Variants in PDXDC1 observed in about 807,000 individuals in gnomAD.
PDXDC1 encodes pyridoxal-dependent decarboxylase domain-containing protein 1.
PDXDC1 carries 42 observed loss-of-function variants against 100.1 expected under a neutral mutation model. The ratio of observed to expected loss-of-function variants is 0.42; its 90% CI spans 0.33 to 0.54. The LOEUF is 0.54. PDXDC1 is among the 20% of genes least tolerant of loss of function. PDXDC1 has a pLI of 0.10. For missense variants in PDXDC1, 636 were observed against 979.2 expected, an observed-to-expected ratio of 0.65 and a Z score of 4.68; for synonymous variants, 260 against 371.7, an observed-to-expected ratio of 0.70 and a Z score of 3.46.
intron 16 of PDXDC1, among the ~76,000 whole-genome samples, chr16:15,098,644 C>G (rs1411980927): frequency 2.0e-5 from 3 of 151,596 alleles, no homozygotes; most frequent in Non-Finnish European, 4.4e-5. Context: ...TTTTGGAGGC[C>G]AAGGTGGGTG....
rs1321552130 is a variant in PDXDC1, at chr16:14,984,498, T to A, written c.21+9278T>A. ...ATACATATATATATATATATATATT[T>A]TTTTTTTTTTTTTTTCTGAGACGGA... On this transcript the variant is annotated intron_variant, in intron 1 of 22. Transcript: ENST00000396410. Among the ~76,000 whole-genome samples, 1,016 of 132,244 alleles carry A rather than the reference T, an allele frequency of 7.7e-3. 4 individuals carry two copies. Among genetic ancestry groups the A allele is most frequent in the East Asian group, 0.043 (141 of 3,262 alleles). The allele number at this position is 132,244 out of a possible 152,430, so 86.8% of individuals were successfully genotyped here. A position where few individuals can be genotyped will look rare whatever the true frequency, so the allele number is the denominator to read the frequency against.
chr16:15,056,810 C>T (rs1372994899), intron 16 of PDXDC1, among the ~76,000 whole-genome samples: 3 of 152,084 alleles, frequency 2.0e-5, no homozygotes, highest in Non-Finnish European at 4.4e-5. Context: ...CGGTCTTAAA[C>T]TGAGAAAATA....
intron 16 of PDXDC1, chr16:15,047,234 C>A: frequency 1.8e-6 from 1 of 557,364 alleles, no homozygotes; most frequent in Non-Finnish European, 3.2e-6. Context: ...TCAAATCCAG[C>A]ACAGACTCCT....
intron 16 of PDXDC1, among the ~76,000 whole-genome samples, chr16:15,128,581 G>A (rs919872207): frequency 9.1e-4 from 138 of 152,130 alleles, no homozygotes; most frequent in African/African-American, 3.1e-3. Context: ...GGACCTCAAG[G>A]ACATGATTAA....
At chr16:14,992,879 G>A (rs61517615) in intron 1 of PDXDC1, among the ~76,000 whole-genome samples, 16,528 of 145,762 alleles carry the variant, frequency 0.11, 67 homozygotes, top group African/African-American at 0.15. Context: ...TTTGAGACAG[G>A]GTTTTACTCT....
intron 16 of PDXDC1, among the ~76,000 whole-genome samples, chr16:15,129,101 G>A (rs1351086672): frequency 5.3e-5 from 8 of 151,800 alleles, no homozygotes; most frequent in Non-Finnish European, 1.0e-4. Flanking sequence ...CACCGCGCCC[G>A]GCCGACAGTT....
At chr16:14,987,826 G>A (rs1421679158) in intron 1 of PDXDC1, among the ~76,000 whole-genome samples, 1 of 152,266 alleles carries the variant, frequency 6.6e-6, no homozygotes, top group Non-Finnish European at 1.5e-5. Flanking sequence ...TGGCCAGGCT[G>A]GTCTCAAGCA....
chr16:15,131,506 G>C lies in PDXDC1; in HGVS notation c.1400-7373G>C, dbSNP rs537002175. On this transcript the variant is annotated intron_variant, in intron 16 of 16. Coordinates refer to the PDXDC1 transcript ENST00000535621. ...ATAGCACAGCAGGCTCCGCGGGTCC[G>C]AGCGCTTGCCCTGGGCCACGATCTC... The C allele has an allele frequency of 2.0e-3, 3,178 of 1,607,890 alleles. 64 individuals carry two copies. The African/African-American group carries it at 0.037, about 19-fold the overall frequency.
At chr16:15,023,864 A>T (rs2042385870) in intron 13 of PDXDC1, among the ~76,000 whole-genome samples, 1 of 152,282 alleles carries the variant, frequency 6.6e-6, no homozygotes, top group Admixed American at 6.5e-5. Context: ...TGGCCCTGTG[A>T]CATTGAGTCA....
intron 16 of PDXDC1, among the ~76,000 whole-genome samples, chr16:15,075,077 C>G (rs1362561429): frequency 1.3e-5 from 2 of 151,210 alleles, no homozygotes; most frequent in East Asian, 3.9e-4. Flanking sequence ...TGGTAAAACT[C>G]TGTCTCTACT....
At chr16:15,118,743 CTATT>C (rs1181589383) in intron 16 of PDXDC1, among the ~76,000 whole-genome samples, 2 of 145,050 alleles carry the variant, frequency 1.4e-5, no homozygotes, top group Non-Finnish European at 3.0e-5. Flanking sequence ...AAACACCGAC[CTATT>C]TAATTTTCAT....
chr16:15,074,339 T>C (rs189438042), intron 16 of PDXDC1, among the ~76,000 whole-genome samples: 155 of 152,320 alleles, frequency 1.0e-3, no homozygotes, highest in African/African-American at 3.7e-3. Context: ...GTACTAACAC[T>C]GGCACAACAA....
rs774935279 is a variant in PDXDC1, at chr16:15,033,269, C to A, written c.1691-9C>A. ...TGAGAAACTCAAGTTTGTCTCGTTA[C>A]CTTTGCAGGCCCTGAGTATAAGAGC... On this transcript the variant is annotated splice_polypyrimidine_tract_variant and intron_variant, in intron 18 of 22. Coordinates refer to ENST00000396410, the MANE Select transcript of PDXDC1 (RefSeq NM_015027.4). The A allele has an allele frequency of 1.9e-6, 3 of 1,614,054 alleles. No individual in the cohort carries two copies. Among genetic ancestry groups the A allele is most frequent in the Non-Finnish European group, 2.5e-6 (3 of 1,179,950 alleles).
rs141480657 is a variant in PDXDC1 at position 15,086,885 on chromosome 16, A to T, written c.1400-51994A>T. 1.2e-3 allele frequency among the ~76,000 whole-genome samples: 182 copies of T among 152,316 alleles called. 1 individual carries two copies. The highest frequency in any genetic ancestry group is 4.3e-3 in the African/African-American group (180 of 41,568). On this transcript the variant is annotated intron_variant, in intron 16 of 16. Coordinates refer to the PDXDC1 transcript ENST00000535621. ...GATAAAACTCAGTCGAGGCTGATCA[A>T]TTGGGGTCATGAATAAACATAACTT...
At chr16:15,094,449 T>G in intron 16 of PDXDC1, 1 of 588,216 alleles carries the variant, frequency 1.7e-6, no homozygotes, top group Non-Finnish European at 3.0e-6. Flanking sequence ...AGTGCGTGAG[T>G]ATAAGGAGAG....
At chr16:15,105,193 C>G (rs1024437940) in intron 16 of PDXDC1, among the ~76,000 whole-genome samples, 1 of 127,936 alleles carries the variant, frequency 7.8e-6, no homozygotes, top group Non-Finnish European at 1.7e-5. Flanking sequence ...GCCCATTGTC[C>G]ACACATGTTG....
rs566230233 is a variant in PDXDC1 at position 15,019,046 on chromosome 16, A to T, written c.1089+81A>T. On this transcript the variant is annotated intron_variant, in intron 12 of 22. Coordinates refer to ENST00000396410, the MANE Select transcript of PDXDC1 (RefSeq NM_015027.4). ...AAAACATCTCATTTCTGTACCTTCC[A>T]TCCAGAGTGGTGTTGTCTGGATTGA... 34 of 1,593,998 alleles carry T rather than the reference A, an allele frequency of 2.1e-5. No homozygotes were observed. In the East Asian group the frequency reaches 7.7e-4, roughly 36 times the overall value.
chr16:15,062,019 T>G, intron 16 of PDXDC1: 1 of 1,094,662 alleles, frequency 9.1e-7, no homozygotes, highest in Non-Finnish European at 1.3e-6. Context: ...GAAAATATCT[T>G]AATTTCAAAA....
At chr16:14,995,299 AT>A (rs1383113720) in intron 1 of PDXDC1, among the ~76,000 whole-genome samples, 2 of 152,268 alleles carry the variant, frequency 1.3e-5, no homozygotes, top group Non-Finnish European at 2.9e-5. Context: ...AGCTCTTATT[AT>A]TTTGAGATAT....
Sources: allele counts gnomAD v4.1 joint callset (sites outside exome capture counted in the v4.1 genomes callset), GRCh38; gene constraint gnomAD v4.1.1; transcripts MANE v1.5; gene names NCBI Gene and HGNC (gene_info 2026-07-23, HGNC 2026-07-21).